The following SFT2D2 variants were observed in gnomAD, a reference collection of about 807,000 sequenced individuals.
SFT2D2 encodes the protein vesicle transport protein SFT2B.
A neutral mutation model predicts 27.4 loss-of-function variants in SFT2D2; 21 were observed. The ratio of observed to expected loss-of-function variants is 0.77; its 90% CI spans 0.54 to 1.10. The LOEUF is 1.10. Ranked by LOEUF, SFT2D2 falls within the 50% of genes least tolerant of loss-of-function variation. The pLI is 0.00. For synonymous variants in SFT2D2, 72 were observed against 71.7 expected, an observed-to-expected ratio of 1.00 and a Z score of -0.02; for missense variants, 187 against 194.2, an observed-to-expected ratio of 0.96 and a Z score of 0.22.
At chr1:168,240,601 T>C (rs1270135978) in intron 7 of SFT2D2, among the ~76,000 whole-genome samples, 1 of 151,974 alleles carries the variant, frequency 6.6e-6, no homozygotes, top group East Asian at 1.9e-4. Context: ...CAGTGCAAAA[T>C]AAAAATGTGA....
rs1351755473 is a variant in SFT2D2, at chr1:168,251,910, G to A, written c.*9370G>A. The A allele has an allele frequency of 1.3e-5, 2 of 152,104 alleles. No homozygotes were observed. The highest frequency in any genetic ancestry group is 1.9e-4 in the East Asian group (1 of 5,188). The allele number at this position is 152,104 out of a possible 1,614,324, so 9.4% of individuals were successfully genotyped here. On this transcript the variant is annotated 3_prime_UTR_variant, in exon 8 of 8. Transcript: ENST00000271375. ...AAAGTTTGTTGGGAGGTAAAATTGT[G>A]TGACTTTACCTTCTGGTTAATAGTT...
chr1:168,247,083 A>G lies in SFT2D2; in HGVS notation c.*4543A>G, dbSNP rs1322782079. The G allele has an allele frequency of 2.6e-6, 1 of 390,218 alleles. No homozygotes were observed. The highest frequency in any genetic ancestry group is 2.1e-5 in the South Asian group (1 of 47,578). The allele number at this position is 390,218 out of a possible 1,614,324, so 24.2% of individuals were successfully genotyped here. A position where few individuals can be genotyped will look rare whatever the true frequency, so the allele number is the denominator to read the frequency against. ...TATTCTGTGATATTTCTTTTTTTTC[A>G]GATAGTCTCTTTTGTAGTACACTAG... is the stretch of plus-strand genomic sequence containing the variant. On this transcript the variant is annotated 3_prime_UTR_variant, in exon 8 of 8. Transcript: ENST00000271375.
intron 3 of SFT2D2, among the ~76,000 whole-genome samples, chr1:168,232,767 C>T (rs1010971050): frequency 7.9e-5 from 12 of 152,296 alleles, no homozygotes; most frequent in Non-Finnish European, 1.6e-4. Context: ...CCAGTTTGGT[C>T]CCTGCCAGGC....
Position 168,252,182 on chromosome 1 carries a change from T to C in SFT2D2, c.*9642T>C, listed in dbSNP as rs1277959755. ...AGGAGCAGATAAACTGATAATGGTC[T>C]TAGAAATGTAGAAAATGATTTTTTG... On this transcript the variant is annotated 3_prime_UTR_variant, in exon 8 of 8. Transcript: ENST00000271375. The C allele has an allele frequency of 6.6e-6, 1 of 152,200 alleles. No individual in the cohort carries two copies. Among genetic ancestry groups the C allele is most frequent in the Non-Finnish European group, 1.5e-5 (1 of 68,038 alleles). The allele number at this position is 152,200 out of a possible 1,614,324, so 9.4% of individuals were successfully genotyped here. A position where few individuals can be genotyped will look rare whatever the true frequency, so the allele number is the denominator to read the frequency against.
chr1:168,231,444 A>G, intron 1 of SFT2D2, 70 bp from the exon 2 acceptor site: 1 of 1,315,640 alleles, frequency 7.6e-7, no homozygotes, highest in Non-Finnish European at 1.1e-6. Flanking sequence ...CACTTTCTAG[A>G]TTTAGTTATG....
chr1:168,232,734 G>A (rs1204142159), intron 3 of SFT2D2, among the ~76,000 whole-genome samples: 1 of 152,152 alleles, frequency 6.6e-6, no homozygotes, highest in African/African-American at 2.4e-5. Context: ...TCTGTGCTGG[G>A]CTCAGAGGAT....
chr1:168,234,218 A>G (rs1647410932), intron 3 of SFT2D2, among the ~76,000 whole-genome samples: 1 of 152,152 alleles, frequency 6.6e-6, no homozygotes, highest in South Asian at 2.1e-4. Context: ...CAACATGGTG[A>G]AACTGTCTCT....
At chr1:168,240,382 A>G (rs1412983901) in intron 7 of SFT2D2, among the ~76,000 whole-genome samples, 1 of 152,068 alleles carries the variant, frequency 6.6e-6, no homozygotes, top group Non-Finnish European at 1.5e-5. Context: ...GGAGGGTAAC[A>G]GTTATGAAAT....
chr1:168,230,814 A>C (rs1420017316), intron 1 of SFT2D2, among the ~76,000 whole-genome samples: 1 of 151,998 alleles, frequency 6.6e-6, no homozygotes, highest in Non-Finnish European at 1.5e-5. Context: ...ACTGGGAGCT[A>C]CTCACAGGCT....
At position 168,231,893 on chromosome 1, in the gene SFT2D2, C is replaced by T. The variant is rs770951985; in HGVS notation, c.210C>T (p.Thr70=). ...TACACCTCTTCGCAGTGTTTTATACCTTTGGTAATATCGCATCAATTGGGA... is the reference window on the plus strand; with the variant it reads ...TACACCTCTTCGCAGTGTTTTATACTTTTGGTAATATCGCATCAATTGGGA... ...KGLHLFAVFY[T]FGNIASIGST... The change falls in exon 3 of 8, where the codon ACC becomes ACT. Residue 70 remains threonine (T), a synonymous_variant. Transcript: ENST00000271375. The T allele has an allele frequency of 1.3e-5, 21 of 1,613,938 alleles. No homozygotes were observed. The highest frequency in any genetic ancestry group is 5.3e-5 in the African/African-American group (4 of 74,896).
Position 168,246,831 on chromosome 1 carries a change from C to A in SFT2D2, c.*4291C>A. On this transcript the variant is annotated 3_prime_UTR_variant, in exon 8 of 8. Transcript: ENST00000271375. The stretch of plus-strand genomic sequence containing the variant: ...GGCTATCGTTTTTGTTGATTTTTCC[C>A]CATTCTGTTTTAGAGCCTTTTGAAG... 2 of 671,350 alleles carry A rather than the reference C, an allele frequency of 3.0e-6. No individual in the cohort carries two copies. The highest frequency in any genetic ancestry group is 5.2e-6 in the Non-Finnish European group (2 of 387,578). The allele number at this position is 671,350 out of a possible 1,614,324, so 41.6% of individuals were successfully genotyped here.
Position 168,247,336 on chromosome 1 carries a change from C to T in SFT2D2, c.*4796C>T, listed in dbSNP as rs988408221. The T allele has an allele frequency of 3.8e-5, 7 of 185,712 alleles. No homozygotes were observed. In the South Asian group the frequency reaches 4.3e-4, roughly 11 times the overall value. 11.5% of individuals were successfully genotyped at this position (185,712 alleles called of 1,614,324 possible). On this transcript the variant is annotated 3_prime_UTR_variant, in exon 8 of 8. Transcript: ENST00000271375. ...TTATCCCTCCCCTAGCCCCCACCCC[C>T]GGACAGGCCCCGGTATGTGATGTTC...
At position 168,247,947 on chromosome 1, in the gene SFT2D2, CAT is replaced by C. The variant is rs1647864692; in HGVS notation, c.*5410_*5411del. 6.6e-6 allele frequency: 1 copy of C among 152,156 alleles called. No homozygotes were observed. The highest frequency in any genetic ancestry group is 1.5e-5 in the Non-Finnish European group (1 of 68,020). The allele number at this position is 152,156 out of a possible 1,614,324, so 9.4% of individuals were successfully genotyped here. A position where few individuals can be genotyped will look rare whatever the true frequency, so the allele number is the denominator to read the frequency against. On this transcript the variant is annotated 3_prime_UTR_variant, in exon 8 of 8. Coordinates refer to ENST00000271375, the MANE Select transcript of SFT2D2 (RefSeq NM_199344.3). ...TGACCAGTGATGATGAGCATTTTTTCATATGTTTGTTGGCTGCATAAATATCT... is the reference window on the plus strand; with the variant it reads ...TGACCAGTGATGATGAGCATTTTTTCATGTTTGTTGGCTGCATAAATATCT...
intron 4 of SFT2D2, among the ~76,000 whole-genome samples, 199 bp from the exon 5 acceptor site, chr1:168,236,390 A>G (rs1647501033): frequency 6.6e-6 from 1 of 152,230 alleles, no homozygotes; most frequent in Non-Finnish European, 1.5e-5. Flanking sequence ...AGAACATCTT[A>G]TCTATGTGAA....
intron 1 of SFT2D2, among the ~76,000 whole-genome samples, chr1:168,230,646 TG>T (rs1558174977): frequency 6.6e-6 from 1 of 152,126 alleles, no homozygotes; most frequent in Non-Finnish European, 1.5e-5. Flanking sequence ...GCTAATTTTT[TG>T]TATTTTTAGT....
chr1:168,244,016 C>T lies in SFT2D2; in HGVS notation c.*1476C>T, dbSNP rs1255058186. 6.6e-6 allele frequency: 1 copy of T among 152,256 alleles called. No homozygotes were observed. Among genetic ancestry groups the T allele is most frequent in the African/African-American group, 2.4e-5 (1 of 41,442 alleles). 9.4% of individuals were successfully genotyped at this position (152,256 alleles called of 1,614,324 possible). A position where few individuals can be genotyped will look rare whatever the true frequency, so the allele number is the denominator to read the frequency against. On this transcript the variant is annotated 3_prime_UTR_variant, in exon 8 of 8. Transcript: ENST00000271375. The stretch of plus-strand genomic sequence containing the variant: ...GAGTCATCCTACAAATGACGTTTAT[C>T]TGGATTGCCTTTCTGTTCTTTGCAC...
In SFT2D2 at chr1:168,245,212, C is replaced by G. The variant is rs1647776509; in HGVS notation, c.*2672C>G. On this transcript the variant is annotated 3_prime_UTR_variant, in exon 8 of 8. Transcript: ENST00000271375. ...TTATCATCTATGTAGAAAACCAAAT[C>G]AAATCCATTACTAAGTTACTGAAAC... The G allele has an allele frequency of 2.0e-5, 3 of 152,174 alleles. No homozygotes were observed. The East Asian group carries it at 5.8e-4, about 29-fold the overall frequency. 9.4% of individuals were successfully genotyped at this position (152,174 alleles called of 1,614,324 possible). A position where few individuals can be genotyped will look rare whatever the true frequency, so the allele number is the denominator to read the frequency against.
In SFT2D2 at chr1:168,252,312, G is replaced by T. The variant is rs1647968900; in HGVS notation, c.*9772G>T. ...AGCCACAAACAACAAAAGGACAACTGGTCCCCGATATAAATGGACTAGCTA... is the reference window on the plus strand; with the variant it reads ...AGCCACAAACAACAAAAGGACAACTTGTCCCCGATATAAATGGACTAGCTA... On this transcript the variant is annotated 3_prime_UTR_variant, in exon 8 of 8. Coordinates refer to ENST00000271375, the MANE Select transcript of SFT2D2 (RefSeq NM_199344.3). The T allele has an allele frequency of 6.6e-6, 1 of 152,182 alleles. No individual in the cohort carries two copies. Among genetic ancestry groups the T allele is most frequent in the South Asian group, 2.1e-4 (1 of 4,830 alleles). 9.4% of individuals were successfully genotyped at this position (152,182 alleles called of 1,614,324 possible). A position where few individuals can be genotyped will look rare whatever the true frequency, so the allele number is the denominator to read the frequency against.
Position 168,231,386 on chromosome 1 carries a change from C to T in SFT2D2, c.64-128C>T, listed in dbSNP as rs1647283043. The T allele has an allele frequency of 1.7e-5, 12 of 719,498 alleles. No homozygotes were observed. In the South Asian group the frequency reaches 2.1e-4, roughly 13 times the overall value. 44.6% of individuals were successfully genotyped at this position (719,498 alleles called of 1,614,324 possible). ...GTCTGGATTTGATGACTTACATCGC[C>T]TGAGTGTGTAGGATTCTGTGCTCCT... On this transcript the variant is annotated intron_variant, in intron 1 of 7. Transcript: ENST00000271375.
Sources: gnomAD v4.1 joint callset for allele counts (sites outside exome capture counted in the v4.1 genomes callset) on GRCh38, gnomAD v4.1.1 for gene constraint, MANE v1.5 for transcripts, NCBI Gene and HGNC (gene_info 2026-07-23, HGNC 2026-07-21) for gene names.